Variants in MOSMO observed in about 807,000 individuals in gnomAD.
MOSMO encodes the protein modulator of smoothened protein.
A neutral mutation model predicts 18.4 loss-of-function variants in MOSMO; 5 were observed. That is an observed-to-expected ratio of 0.27 (90% confidence interval 0.14 to 0.57). The LOEUF is 0.57. Among genes scored for constraint, MOSMO ranks in the 20% least tolerant of loss-of-function variants. The probability of loss-of-function intolerance (pLI) is 0.92; values close to 1 mark genes in which losing one functional copy is unlikely to be tolerated. For synonymous variants in MOSMO, 82 were observed against 82.3 expected, an observed-to-expected ratio of 1.00 and a Z score of 0.02; for missense variants, 138 against 211.8, an observed-to-expected ratio of 0.65 and a Z score of 2.16.
chr16:22,063,438 A>T (rs1275871617), intron 1 of MOSMO, among the ~76,000 whole-genome samples: 1 of 152,192 alleles, frequency 6.6e-6, no homozygotes, highest in East Asian at 1.9e-4. Context: ...ATTCCTGAGA[A>T]GGTAGTAGTG....
At chr16:22,047,218 T>C (rs1007043367) in intron 1 of MOSMO, among the ~76,000 whole-genome samples, 4 of 151,550 alleles carry the variant, frequency 2.6e-5, no homozygotes, top group African/African-American at 9.7e-5. Context: ...TTTAGTATTC[T>C]ATACTGTTTA....
chr16:22,051,688 A>C (rs938923255), intron 1 of MOSMO, among the ~76,000 whole-genome samples: 5 of 152,228 alleles, frequency 3.3e-5, no homozygotes, highest in African/African-American at 1.2e-4. Context: ...GACTTGTTCC[A>C]GCAAGTTAAT....
At chr16:22,041,288 T>A (rs1440816015) in intron 1 of MOSMO, among the ~76,000 whole-genome samples, 1 of 152,204 alleles carries the variant, frequency 6.6e-6, no homozygotes, top group Non-Finnish European at 1.5e-5. Context: ...TTGTTTTGTT[T>A]TTTTATGAAT....
At chr16:22,047,466 G>A (rs759574692) in intron 1 of MOSMO, among the ~76,000 whole-genome samples, 2 of 151,804 alleles carry the variant, frequency 1.3e-5, no homozygotes, top group Non-Finnish European at 2.9e-5. Context: ...GGATGGTCTT[G>A]ATCTCCTGAC....
At chr16:22,054,827 G>C (rs1039978622) in intron 1 of MOSMO, among the ~76,000 whole-genome samples, 7 of 151,768 alleles carry the variant, frequency 4.6e-5, no homozygotes, top group African/African-American at 1.7e-4. Flanking sequence ...CCTTAAGACT[G>C]TTCACAGATT....
chr16:22,087,064 C>T (rs1380989664), downstream of MOSMO: 1 of 152,124 alleles, frequency 6.6e-6, no homozygotes, highest in Non-Finnish European at 1.5e-5. Context: ...TAGAATTTCC[C>T]CATGGACTCC....
intron 1 of MOSMO, among the ~76,000 whole-genome samples, chr16:22,020,211 T>C: frequency 7.3e-6 from 1 of 137,808 alleles, no homozygotes; most frequent in Non-Finnish European, 1.6e-5. Flanking sequence ...GAAAACTCCA[T>C]CTCCAAAAAA....
chr16:22,011,225 T>TG (rs1313918494), intron 1 of MOSMO, among the ~76,000 whole-genome samples: 4 of 152,222 alleles, frequency 2.6e-5, no homozygotes, highest in African/African-American at 9.6e-5. Context: ...AGTAGTGCTA[T>TG]GTCATTTTGG....
chr16:22,083,872 A>C lies in MOSMO; in HGVS notation c.*2992A>C. 1 of 346,302 alleles carries C rather than the reference A, an allele frequency of 2.9e-6. No individual in the cohort carries two copies. The highest frequency in any genetic ancestry group is 2.3e-5 in the South Asian group (1 of 43,684). The allele number at this position is 346,302 out of a possible 1,614,324, so 21.5% of individuals were successfully genotyped here. On this transcript the variant is annotated 3_prime_UTR_variant, in exon 3 of 3. Coordinates refer to ENST00000542527, the MANE Select transcript of MOSMO (RefSeq NM_001164579.2). ...TTCAGTATGATTCTTTCCAAAGGTA[A>C]TCCATGTTCTATGTTGTTAATGTGT... is the stretch of plus-strand genomic sequence containing the variant.
At chr16:22,019,054 T>C (rs992167158) in intron 1 of MOSMO, among the ~76,000 whole-genome samples, 1 of 152,222 alleles carries the variant, frequency 6.6e-6, no homozygotes, top group Admixed American at 6.5e-5. Flanking sequence ...TAAGTGCTGT[T>C]ATTTAGACAG....
intron 1 of MOSMO, among the ~76,000 whole-genome samples, chr16:22,045,459 A>G (rs1900289146): frequency 6.6e-6 from 1 of 152,176 alleles, no homozygotes; most frequent in South Asian, 2.1e-4. Context: ...GTAGTAAAAT[A>G]TTTAGGAACT....
At chr16:22,065,595 C>T (rs928641383) in intron 1 of MOSMO, among the ~76,000 whole-genome samples, 5 of 152,152 alleles carry the variant, frequency 3.3e-5, no homozygotes, top group Admixed American at 6.5e-5. Context: ...ATTGGTGTGT[C>T]TTGTACTGTC....
intron 1 of MOSMO, among the ~76,000 whole-genome samples, chr16:22,070,459 T>A (rs990801868): frequency 6.6e-6 from 1 of 151,662 alleles, no homozygotes; most frequent in African/African-American, 2.4e-5. Context: ...GGGAAAGACA[T>A]GAAGGCAAGA....
At chr16:22,032,786 A>C (rs1282983878) in intron 1 of MOSMO, among the ~76,000 whole-genome samples, 1 of 152,112 alleles carries the variant, frequency 6.6e-6, no homozygotes, top group Non-Finnish European at 1.5e-5. Flanking sequence ...GGCCTCAAGC[A>C]GTCCTCTTAC....
intron 1 of MOSMO, among the ~76,000 whole-genome samples, chr16:22,042,650 C>T (rs1015260318): frequency 3.9e-5 from 6 of 152,122 alleles, no homozygotes; most frequent in South Asian, 2.1e-4. Flanking sequence ...TATTTTCACA[C>T]GGGCACCAGA....
chr16:22,047,394 G>A (rs975531417), intron 1 of MOSMO, among the ~76,000 whole-genome samples: 1 of 151,684 alleles, frequency 6.6e-6, no homozygotes, highest in Admixed American at 6.6e-5. Context: ...ACAGGCGCCC[G>A]TCACCACGCC....
intron 1 of MOSMO, among the ~76,000 whole-genome samples, chr16:22,061,162 A>C (rs1369394978): frequency 6.6e-6 from 1 of 152,180 alleles, no homozygotes; most frequent in African/African-American, 2.4e-5. Context: ...ACTGCAAAGG[A>C]GTCTGGGAAC....
chr16:22,029,106 G>A (rs1322341356), intron 1 of MOSMO, among the ~76,000 whole-genome samples: 7 of 152,034 alleles, frequency 4.6e-5, no homozygotes, highest in African/African-American at 7.2e-5. Context: ...TCCTGACCTC[G>A]TTATCTGCCT....
intron 1 of MOSMO, among the ~76,000 whole-genome samples, chr16:22,020,118 C>T (rs1310407767): frequency 6.7e-6 from 1 of 149,652 alleles, no homozygotes; most frequent in Non-Finnish European, 1.5e-5. Context: ...GAGGCTGAGG[C>T]AGGAGAATCG....
Sources: allele counts gnomAD v4.1 joint callset (sites outside exome capture counted in the v4.1 genomes callset), GRCh38; gene constraint gnomAD v4.1.1; transcripts MANE v1.5; gene names NCBI Gene and HGNC (gene_info 2026-07-23, HGNC 2026-07-21).